HEXB: variants seen among roughly 807,000 people sequenced by gnomAD.
The protein encoded by HEXB is hexosaminidase subunit beta.
In HEXB, 51 loss-of-function variants were observed where a neutral mutation model predicts 71.2. The observed-to-expected ratio is 0.72, with a 90% CI of 0.57 to 0.90. HEXB has a LOEUF of 0.90. Among genes scored for constraint, HEXB ranks in the 40% least tolerant of loss-of-function variants. The pLI, the probability that HEXB is intolerant of heterozygous loss-of-function variation, is 0.00. For synonymous variants in HEXB, 266 were observed against 249.3 expected, an observed-to-expected ratio of 1.07 and a Z score of -0.63; for missense variants, 617 against 677.0, an observed-to-expected ratio of 0.91 and a Z score of 0.98.
chr5:74,701,350 C>A (rs1027601541), intron 5 of HEXB, among the ~76,000 whole-genome samples: 2 of 151,968 alleles, frequency 1.3e-5, no homozygotes, highest in Non-Finnish European at 2.9e-5. Context: ...ATTCTTGATT[C>A]TATTAGAATT....
intron 10 of HEXB, among the ~76,000 whole-genome samples, 195 bp from the exon 11 acceptor site, chr5:74,718,602 T>C (rs551632428): frequency 6.6e-6 from 1 of 152,174 alleles, no homozygotes; most frequent in Non-Finnish European, 1.5e-5. Context: ...TATTCAAACC[T>C]AAGGTTGATG....
At chr5:74,670,838 T>G (rs1275388167) in intron 1 of HEXB, among the ~76,000 whole-genome samples, 2 of 152,108 alleles carry the variant, frequency 1.3e-5, no homozygotes, top group Non-Finnish European at 1.5e-5. Flanking sequence ...GCTCCTGTGC[T>G]GCTTGGAACA....
At chr5:74,699,141 G>A (rs1395027026) in intron 5 of HEXB, among the ~76,000 whole-genome samples, 6 of 152,032 alleles carry the variant, frequency 3.9e-5, no homozygotes, top group African/African-American at 7.2e-5. Context: ...CCAAGATTAC[G>A]CCACTGCACT....
At chr5:74,719,065 C>T in intron 11 of HEXB, 94 bp downstream of exon 11, 1 of 1,141,492 alleles carries the variant, frequency 8.8e-7, no homozygotes, top group Non-Finnish European at 1.3e-6. Context: ...GAGTTTTCTT[C>T]CCTAACCTCC....
chr5:74,663,807 C>T (rs2454847), intron 1 of HEXB, among the ~76,000 whole-genome samples: 31,904 of 152,088 alleles, frequency 0.21, 3,591 homozygotes, highest in Non-Finnish European at 0.24. Flanking sequence ...ACACTCTCAA[C>T]GTTTAAAAGA....
At chr5:74,707,303 A>G (rs1749422833) in intron 6 of HEXB, among the ~76,000 whole-genome samples, 1 of 152,218 alleles carries the variant, frequency 6.6e-6, no homozygotes, top group South Asian at 2.1e-4. Context: ...CATCACCATC[A>G]TCAAAGACCA....
intron 5 of HEXB, among the ~76,000 whole-genome samples, chr5:74,703,909 G>T (rs1749319489): frequency 6.6e-6 from 1 of 152,142 alleles, no homozygotes; most frequent in Non-Finnish European, 1.5e-5. Context: ...AAACTCCTGG[G>T]CCCAAGTGAT....
chr5:74,643,273 C>T (rs958561393), intron 1 of HEXB, among the ~76,000 whole-genome samples: 2 of 152,196 alleles, frequency 1.3e-5, no homozygotes, highest in Non-Finnish European at 1.5e-5. Flanking sequence ...TGTAATCCCA[C>T]AGCATCTCTC....
chr5:74,718,936 G>C lies in HEXB; in HGVS notation c.1382G>C (p.Arg461Thr). ...LDLISYGQDWRKYYKVEPLDF... is the reference protein window; with the variant it reads ...LDLISYGQDWTKYYKVEPLDF... ...TTGATTAGCTATGGACAAGATTGGA[G>C]GAAATACTATAAAGTGGAACCTCTT... Residue 461 changes from arginine to threonine, a missense_variant, in exon 11 of 14, where the codon AGG (arginine) becomes ACG (threonine). Transcript: ENST00000261416. 6.2e-7 allele frequency: 1 copy of C among 1,614,094 alleles called. No individual in the cohort carries two copies. Among genetic ancestry groups the C allele is most frequent in the Non-Finnish European group, 8.5e-7 (1 of 1,180,014 alleles).
chr5:74,689,418 AATC>A lies in HEXB; in HGVS notation c.392_394del (p.Ile131del). 1 of 1,612,972 alleles carries A rather than the reference AATC, an allele frequency of 6.2e-7. No individual in the cohort carries two copies. Among genetic ancestry groups the A allele is most frequent in the Non-Finnish European group, 8.5e-7 (1 of 1,178,914 alleles). The stretch of plus-strand genomic sequence containing the variant: ...CCCAGGTTCAGCAACTTCTTGTCTC[AATC>A]ACCCTTCAGTCAGAGTGTGATGCTT... On this transcript the variant is annotated inframe_deletion, in exon 2 of 14. Coordinates refer to ENST00000261416, the MANE Select transcript of HEXB (RefSeq NM_000521.4).
At chr5:74,699,897 A>G (rs1448321172) in intron 5 of HEXB, among the ~76,000 whole-genome samples, 1 of 150,426 alleles carries the variant, frequency 6.6e-6, no homozygotes, top group African/African-American at 2.4e-5. Flanking sequence ...ATGATAAAAT[A>G]TATCTCCTTG....
chr5:74,666,169 A>G (rs1237023982), intron 1 of HEXB, among the ~76,000 whole-genome samples: 2 of 152,252 alleles, frequency 1.3e-5, no homozygotes, highest in East Asian at 1.9e-4. Context: ...ACTGCAAACC[A>G]TAGAAAGCAT....
intron 6 of HEXB, among the ~76,000 whole-genome samples, chr5:74,712,050 G>T (rs1302018200): frequency 1.4e-5 from 2 of 145,902 alleles, no homozygotes; most frequent in East Asian, 2.0e-4. Flanking sequence ...AACAATGATA[G>T]ACTGGATTAA....
rs1318641594 is a variant in HEXB at position 74,652,920 on chromosome 5, A to C, written c.-377+12362A>C. On this transcript the variant is annotated intron_variant, in intron 1 of 13. Transcript: ENST00000511181. This position sits in a 1 kb window ranked among gnomAD's most constrained non-coding sequence, Gnocchi z 5.4. Reference sequence around the variant, plus strand: ...AGTGACACATATCCCTTTATATACCAGTCATTTTTAATGCCCTCTTTGCTT... The same window carrying C: ...AGTGACACATATCCCTTTATATACCCGTCATTTTTAATGCCCTCTTTGCTT... 6.6e-6 allele frequency among the ~76,000 whole-genome samples: 1 copy of C among 152,192 alleles called. No individual in the cohort carries two copies. Among genetic ancestry groups the C allele is most frequent in the Non-Finnish European group, 1.5e-5 (1 of 68,020 alleles).
intron 6 of HEXB, among the ~76,000 whole-genome samples, chr5:74,708,464 C>T (rs1435317671): frequency 6.7e-6 from 1 of 148,152 alleles, no homozygotes; most frequent in East Asian, 2.0e-4. Context: ...TGTAAATGGA[C>T]TAAATGCTCC....
intron 1 of HEXB, among the ~76,000 whole-genome samples, chr5:74,679,532 G>A (rs1343030886): frequency 6.6e-6 from 1 of 152,110 alleles, no homozygotes; most frequent in African/African-American, 2.4e-5. Context: ...CAGGCGCGGT[G>A]GCTCATGCCT....
In HEXB at chr5:74,685,272, C is replaced by T. The variant is rs2112122203; in HGVS notation, c.12C>T (p.Cys4=). 3.3e-6 allele frequency: 5 copies of T among 1,535,518 alleles called. No individual in the cohort carries two copies. The South Asian group carries it at 3.6e-5, about 11-fold the overall frequency. The part of the protein sequence containing the change: MEL[C]GLGLPRPPML... Reference sequence around the variant, plus strand: ...GCAGCCGAGCGGCCATGGAGCTGTGCGGGCTGGGGCTGCCCCGGCCGCCCA... The same window carrying T: ...GCAGCCGAGCGGCCATGGAGCTGTGTGGGCTGGGGCTGCCCCGGCCGCCCA... The change falls in exon 1 of 14, where the codon TGC becomes TGT. Residue 4 remains cysteine, a synonymous_variant. Coordinates refer to ENST00000261416, the MANE Select transcript of HEXB (RefSeq NM_000521.4).
intron 1 of HEXB, among the ~76,000 whole-genome samples, chr5:74,677,397 TATG>T (rs1216809863): frequency 6.6e-6 from 1 of 151,982 alleles, no homozygotes; most frequent in Non-Finnish European, 1.5e-5. Flanking sequence ...AAAGGAGAAA[TATG>T]ATAAATATCA....
intron 1 of HEXB, among the ~76,000 whole-genome samples, chr5:74,675,042 A>G (rs1265177649): frequency 6.6e-6 from 1 of 152,224 alleles, no homozygotes; most frequent in Non-Finnish European, 1.5e-5. Context: ...ATTCAGGACT[A>G]TTCCAATAGG....
Sources: allele counts gnomAD v4.1 joint callset (sites outside exome capture counted in the v4.1 genomes callset), GRCh38; gene constraint gnomAD v4.1.1; non-coding constraint Gnocchi (gnomAD v3.1); transcripts MANE v1.5; gene names NCBI Gene and HGNC (gene_info 2026-07-23, HGNC 2026-07-21).